The following IL1RAPL1 variants were observed in gnomAD, a reference collection of about 807,000 sequenced individuals.
IL1RAPL1 encodes interleukin 1 receptor accessory protein like 1.
Under a neutral mutation model 48.4 loss-of-function variants are expected in IL1RAPL1, and 3 were observed. That is an observed-to-expected ratio of 0.06 (90% CI 0.03 to 0.16). The LOEUF is 0.16. Among genes scored for constraint, IL1RAPL1 ranks in the 10% least tolerant of loss-of-function variants. The pLI is 1.00. For missense variants in IL1RAPL1, 349 were observed against 530.6 expected (o/e 0.66, Z 3.36); for synonymous variants, 185 against 187.7 (o/e 0.99, Z 0.12).
At chrX:29,428,102 T>C (rs1471743558) in intron 5 of IL1RAPL1, among the ~76,000 whole-genome samples, 1 of 111,961 alleles carries the variant, frequency 8.9e-6, no homozygotes, top group Non-Finnish European at 1.9e-5. Flanking sequence ...CAGTCACAAG[T>C]ATTTAAGAGC....
At chrX:28,593,529 C>T (rs894835599) in intron 1 of IL1RAPL1, among the ~76,000 whole-genome samples, 4 of 111,256 alleles carry the variant, frequency 3.6e-5, no homozygotes, top group African/African-American at 6.5e-5. Context: ...CTGCTTTGTT[C>T]TTACAGGAGC....
intron 2 of IL1RAPL1, among the ~76,000 whole-genome samples, chrX:28,972,668 G>A: frequency 9.0e-6 from 1 of 111,479 alleles, no homozygotes; most frequent in Non-Finnish European, 1.9e-5. Context: ...GAACCTAGGA[G>A]GCGGAGCTTG....
At chrX:29,041,916 G>T (rs1442679547) in intron 2 of IL1RAPL1, among the ~76,000 whole-genome samples, 2 of 111,681 alleles carry the variant, frequency 1.8e-5, no homozygotes, top group Non-Finnish European at 3.8e-5. Context: ...GTGATTTCTA[G>T]TTTTCCTTCT....
intron 6 of IL1RAPL1, among the ~76,000 whole-genome samples, chrX:29,739,742 CAA>C (rs1252926123): frequency 9.0e-6 from 1 of 110,848 alleles, no homozygotes; most frequent in Non-Finnish European, 1.9e-5. Context: ...AGTTGTATAG[CAA>C]AAGAGTTTTA....
intron 5 of IL1RAPL1, among the ~76,000 whole-genome samples, chrX:29,652,980 C>A (rs1290068066): frequency 8.9e-6 from 1 of 112,016 alleles, no homozygotes; most frequent in Admixed American, 9.5e-5. Flanking sequence ...GTAATAGAAA[C>A]AAATTTTGCC....
At chrX:28,607,944 A>G (rs978421302) in intron 1 of IL1RAPL1, among the ~76,000 whole-genome samples, 1 of 110,854 alleles carries the variant, frequency 9.0e-6, no homozygotes, top group Non-Finnish European at 1.9e-5. Flanking sequence ...CTTCCTATAG[A>G]GTTTGCACGC....
chrX:29,318,593 A>G (rs770273632), intron 3 of IL1RAPL1, among the ~76,000 whole-genome samples: 1 of 112,627 alleles, frequency 8.9e-6, no homozygotes, highest in African/African-American at 3.2e-5. Context: ...TGTTTGTTTT[A>G]TTTCACAGAA....
chrX:29,562,040 C>CTATCTATCTATT (rs1442651846), intron 5 of IL1RAPL1, among the ~76,000 whole-genome samples: 18 of 61,607 alleles, frequency 2.9e-4, no homozygotes, highest in African/African-American at 7.6e-4. Context: ...TCAATTCTAT[C>CTATCTATCTATT]TATCTATCTA....
At chrX:29,430,524 A>G (rs1324847710) in intron 5 of IL1RAPL1, among the ~76,000 whole-genome samples, 2 of 110,595 alleles carry the variant, frequency 1.8e-5, no homozygotes, top group Non-Finnish European at 3.8e-5. Context: ...AAGGCACAAT[A>G]TAAGGAATAG....
chrX:29,934,686 A>G (rs187113114), intron 8 of IL1RAPL1, among the ~76,000 whole-genome samples: 1 of 111,578 alleles, frequency 9.0e-6, no homozygotes, highest in East Asian at 2.8e-4. Flanking sequence ...GAGCTGCACT[A>G]CATATACACA....
intron 2 of IL1RAPL1, among the ~76,000 whole-genome samples, chrX:29,275,234 T>G: frequency 8.9e-6 from 1 of 111,774 alleles, no homozygotes; most frequent in Non-Finnish European, 1.9e-5. Context: ...AATCCAGACC[T>G]TCTGAATCTG....
At chrX:28,802,763 C>T (rs1936690426) in intron 2 of IL1RAPL1, among the ~76,000 whole-genome samples, 1 of 111,690 alleles carries the variant, frequency 9.0e-6, no homozygotes, top group South Asian at 3.6e-4. Flanking sequence ...AAAGAGGATT[C>T]TTCCAATTTT....
chrX:29,143,548 C>T (rs1465892959), intron 2 of IL1RAPL1, among the ~76,000 whole-genome samples: 1 of 111,589 alleles, frequency 9.0e-6, no homozygotes, highest in Admixed American at 9.5e-5. Context: ...CTGTCCAGGA[C>T]ATGAATCATC....
intron 3 of IL1RAPL1, among the ~76,000 whole-genome samples, chrX:29,300,945 G>A (rs1569280131): frequency 8.9e-6 from 1 of 111,972 alleles, no homozygotes; most frequent in African/African-American, 3.2e-5. Context: ...TGTCTAAACA[G>A]TACTTAATGA....
chrX:28,829,351 T>C (rs1920994486), intron 2 of IL1RAPL1, among the ~76,000 whole-genome samples: 2 of 110,820 alleles, frequency 1.8e-5, no homozygotes, highest in African/African-American at 3.3e-5. Context: ...TTTTCTTATC[T>C]AATTTCCTTG....
At chrX:28,829,621 A>G (rs11095133) in intron 2 of IL1RAPL1, among the ~76,000 whole-genome samples, 10,459 of 102,719 alleles carry the variant, frequency 0.1, 1,217 homozygotes, top group African/African-American at 0.31. Context: ...GTGCAGTGGC[A>G]CAATCTCGGC....
At chrX:29,754,724 A>G (rs1928568142) in intron 6 of IL1RAPL1, among the ~76,000 whole-genome samples, 1 of 112,845 alleles carries the variant, frequency 8.9e-6, no homozygotes, top group South Asian at 3.6e-4. Context: ...TTTCACACCT[A>G]TATGCATGAG....
intron 1 of IL1RAPL1, among the ~76,000 whole-genome samples, chrX:28,765,358 C>T (rs1326975535): frequency 1.8e-5 from 2 of 111,298 alleles, no homozygotes; most frequent in Non-Finnish European, 3.8e-5. Context: ...AGATTTGGCT[C>T]ATGGGCTATT....
intron 5 of IL1RAPL1, among the ~76,000 whole-genome samples, chrX:29,619,907 T>G (rs1924410788): frequency 8.9e-6 from 1 of 111,776 alleles, no homozygotes; most frequent in Non-Finnish European, 1.9e-5. Context: ...TTTTGTACAA[T>G]TTTTTGGACA....
Sources: allele counts gnomAD v4.1 joint callset (sites outside exome capture counted in the v4.1 genomes callset), GRCh38; gene constraint gnomAD v4.1.1; transcripts MANE v1.5; gene names NCBI Gene and HGNC (gene_info 2026-07-23, HGNC 2026-07-21).